The following RPH3AL variants were observed in gnomAD, a reference collection of about 807,000 sequenced individuals.
RPH3AL encodes the protein rabphilin 3A like (without C2 domains), also known as rab effector Noc2.
A neutral mutation model predicts 43.1 loss-of-function variants in RPH3AL; 38 were observed. The ratio of observed to expected loss-of-function variants is 0.88; its 90% CI spans 0.68 to 1.15. The LOEUF (loss-of-function observed/expected upper bound fraction) is 1.15, where lower values mean the gene tolerates loss of function less well. Ranked by LOEUF, RPH3AL falls within the 50% of genes most tolerant of loss-of-function variation. RPH3AL has a pLI of 0.00. For synonymous variants in RPH3AL, 189 were observed against 176.3 expected, an observed-to-expected ratio of 1.07 and a Z score of -0.57; for missense variants, 462 against 423.2, an observed-to-expected ratio of 1.09 and a Z score of -0.81.
chr17:217,344 TC>T (rs1424538859), intron 8 of RPH3AL, among the ~76,000 whole-genome samples: 1 of 91,644 alleles, frequency 1.1e-5, no homozygotes, highest in Admixed American at 1.0e-4. Context: ...GAGCCCTTCT[TC>T]TGCATTAAAA....
At chr17:266,388 C>A (rs2042323867) in intron 6 of RPH3AL, among the ~76,000 whole-genome samples, 1 of 152,054 alleles carries the variant, frequency 6.6e-6, no homozygotes, top group Non-Finnish European at 1.5e-5. Context: ...TGGGAGTGCA[C>A]AGATTCATAA....
chr17:214,485 A>G lies in RPH3AL; in HGVS notation c.877-562T>C, dbSNP rs969193414. Among the ~76,000 whole-genome samples, 31 of 152,210 alleles carry G rather than the reference A, an allele frequency of 2.0e-4. 1 individual carries two copies. Among genetic ancestry groups the G allele is most frequent in the African/African-American group, 7.5e-4 (31 of 41,464 alleles). Reference sequence around the variant, plus strand: ...TTTGAACCACAAAAATGCAATTTCAATTGGGCGCAGTGGCTCTTGCCTGTA... The same window carrying G: ...TTTGAACCACAAAAATGCAATTTCAGTTGGGCGCAGTGGCTCTTGCCTGTA... On this transcript the variant is annotated intron_variant, in intron 9 of 9. Coordinates refer to ENST00000331302, the MANE Select transcript of RPH3AL (RefSeq NM_006987.4).
At chr17:294,814 G>A (rs1233311275) in intron 5 of RPH3AL, among the ~76,000 whole-genome samples, 1 of 53,600 alleles carries the variant, frequency 1.9e-5, no homozygotes, top group African/African-American at 6.9e-5. Flanking sequence ...GGGAGGGACA[G>A]AGGAGCTGCA....
rs148019162 is a variant in RPH3AL, at chr17:310,904, C to T, written c.351+8516G>A. On this transcript the variant is annotated intron_variant, in intron 5 of 9. Coordinates refer to ENST00000331302, the MANE Select transcript of RPH3AL (RefSeq NM_006987.4). ...CAGCGACTCGGGTTCTAGGCCACCA[C>T]CCCCTACAGCAGGGCCCCCAGGGGG... Among the ~76,000 whole-genome samples, 733 of 152,228 alleles carry T rather than the reference C, an allele frequency of 4.8e-3. 6 individuals carry two copies. Among genetic ancestry groups the T allele is most frequent in the African/African-American group, 0.017 (701 of 41,524 alleles).
intron 5 of RPH3AL, among the ~76,000 whole-genome samples, chr17:317,108 C>T (rs1415324673): frequency 1.4e-5 from 2 of 147,048 alleles, no homozygotes; most frequent in African/African-American, 2.6e-5. Context: ...ACCTGTAGTC[C>T]CTGTGACTCC....
intron 6 of RPH3AL, among the ~76,000 whole-genome samples, chr17:280,603 G>A (rs371607464): frequency 1.3e-5 from 2 of 152,272 alleles, no homozygotes; most frequent in South Asian, 2.1e-4. Context: ...CAGGATGAGC[G>A]CACAAACCAA....
chr17:299,064 G>C (rs998505584), intron 5 of RPH3AL, among the ~76,000 whole-genome samples: 6 of 151,830 alleles, frequency 4.0e-5, no homozygotes, highest in African/African-American at 1.5e-4. Flanking sequence ...TGAAGGCTTC[G>C]GGGGGAGGGA....
intron 5 of RPH3AL, among the ~76,000 whole-genome samples, chr17:286,376 G>A (rs11653478): frequency 0.27 from 40,607 of 151,982 alleles, 5,572 homozygotes; most frequent in East Asian, 0.4. Context: ...CAACGCTGGC[G>A]GCACCTGGGG....
chr17:317,039 C>A (rs1291933913), intron 5 of RPH3AL, among the ~76,000 whole-genome samples: 3 of 145,878 alleles, frequency 2.1e-5, no homozygotes, highest in East Asian at 2.1e-4. Context: ...CCTCCACTGA[C>A]CTGTAGTCTC....
chr17:315,487 C>A (rs1361525260), intron 5 of RPH3AL, among the ~76,000 whole-genome samples: 11 of 149,180 alleles, frequency 7.4e-5, no homozygotes, highest in African/African-American at 1.2e-4. Context: ...CCTCCATTGA[C>A]CTGTAGTCCC....
intron 1 of RPH3AL, among the ~76,000 whole-genome samples, chr17:343,205 C>T (rs925852002): frequency 6.6e-6 from 1 of 152,210 alleles, no homozygotes; most frequent in East Asian, 1.9e-4. Context: ...CACCAGGTGA[C>T]ATGGCTGCCT....
chr17:262,605 G>A lies in RPH3AL; in HGVS notation c.439-15320C>T, dbSNP rs535460212. Among the ~76,000 whole-genome samples the A allele has an allele frequency of 9.2e-5, 14 of 152,240 alleles. No homozygotes were observed. In the East Asian group the frequency reaches 1.4e-3, roughly 15 times the overall value. The stretch of plus-strand genomic sequence containing the variant: ...TTTGGGAGGCCGAGGTGGGAGGATC[G>A]CTTGAGGCCAGGAATTCAAGGCCAG... On this transcript the variant is annotated intron_variant, in intron 6 of 9. Transcript: ENST00000331302.
In RPH3AL at chr17:257,868, G is replaced by A. The variant is rs1285043781; in HGVS notation, c.439-10583C>T. 1.4e-4 allele frequency among the ~76,000 whole-genome samples: 2 copies of A among 13,810 alleles called. 1 individual carries two copies. Among genetic ancestry groups the A allele is most frequent in the East Asian group, 1.6e-3 (2 of 1,226 alleles). 9.1% of individuals were successfully genotyped at this position (13,810 alleles called of 152,430 possible). A position where few individuals can be genotyped will look rare whatever the true frequency, so the allele number is the denominator to read the frequency against. ...GTACTTCCTATGAGGGGAGCCGCAC[G>A]GTGTCTGTCCTGTTCTGTCCCTAGG... On this transcript the variant is annotated intron_variant, in intron 6 of 9. Coordinates refer to ENST00000331302, the MANE Select transcript of RPH3AL (RefSeq NM_006987.4).
At chr17:309,709 C>A (rs1427523902) in intron 5 of RPH3AL, among the ~76,000 whole-genome samples, 1 of 136,864 alleles carries the variant, frequency 7.3e-6, no homozygotes, top group Non-Finnish European at 1.5e-5. Flanking sequence ...CTCCTGCCAG[C>A]CTCCTGCTGG....
intron 6 of RPH3AL, among the ~76,000 whole-genome samples, chr17:253,071 C>G (rs2041949705): frequency 6.6e-6 from 1 of 152,184 alleles, no homozygotes; most frequent in Admixed American, 6.5e-5. Flanking sequence ...TGGTGGAATC[C>G]AAGGCCTCCT....
Position 303,678 on chromosome 17 carries a change from GA to G in RPH3AL, c.351+15741del, listed in dbSNP as rs1259578404. ...AGCAGTGACCGTGTCTCAGGAAAGA[GA>G]TGGGGAGGGAGGGAGGCTGTACTGA... On this transcript the variant is annotated intron_variant, in intron 5 of 9. Transcript: ENST00000331302. 2.2e-3 allele frequency among the ~76,000 whole-genome samples: 23 copies of G among 10,580 alleles called. 1 individual carries two copies. Among genetic ancestry groups the G allele is most frequent in the African/African-American group, 0.012 (22 of 1,800 alleles). 6.9% of individuals were successfully genotyped at this position (10,580 alleles called of 152,430 possible).
intron 2 of RPH3AL, chr17:332,682 G>C (rs141518766): frequency 1.3e-5 from 3 of 235,050 alleles, no homozygotes; most frequent in South Asian, 6.0e-5. Flanking sequence ...CTCACAGGCC[G>C]TTTGTCCCTC....
rs1389483590 is a variant in RPH3AL at position 212,818 on chromosome 17, G to C, written c.*1034C>G. The C allele has an allele frequency of 6.6e-6, 1 of 152,042 alleles. No individual in the cohort carries two copies. Among genetic ancestry groups the C allele is most frequent in the Non-Finnish European group, 1.5e-5 (1 of 68,018 alleles). The allele number at this position is 152,042 out of a possible 1,614,324, so 9.4% of individuals were successfully genotyped here. On this transcript the variant is annotated 3_prime_UTR_variant, in exon 10 of 10. Coordinates refer to ENST00000331302, the MANE Select transcript of RPH3AL (RefSeq NM_006987.4). The stretch of plus-strand genomic sequence containing the variant: ...CCTGAAGAGAAGTGAATTCATGGCT[G>C]AGGGAGCCACGTGCCCTGGCTGGGG...
At chr17:218,785 C>T (rs1481578605) in intron 8 of RPH3AL, among the ~76,000 whole-genome samples, 2 of 152,190 alleles carry the variant, frequency 1.3e-5, no homozygotes, top group East Asian at 1.9e-4. Context: ...GGAGGCCACC[C>T]GTTCTGTCTC....
Sources: allele counts gnomAD v4.1 joint callset (sites outside exome capture counted in the v4.1 genomes callset), GRCh38; gene constraint gnomAD v4.1.1; transcripts MANE v1.5; gene names NCBI Gene and HGNC (gene_info 2026-07-23, HGNC 2026-07-21).